Variants in CCDC90B observed in about 807,000 individuals in gnomAD.
CCDC90B encodes the protein coiled-coil domain-containing protein 90B, mitochondrial.
Under a neutral mutation model 37.0 loss-of-function variants are expected in CCDC90B, and 24 were observed. The ratio of observed to expected loss-of-function variants is 0.65; its 90% CI spans 0.47 to 0.91. CCDC90B has a LOEUF of 0.91. Among genes scored for constraint, CCDC90B ranks in the 40% least tolerant of loss-of-function variants. CCDC90B has a pLI of 0.00. For missense variants in CCDC90B, 319 were observed against 299.0 expected (o/e 1.07, Z -0.49); for synonymous variants, 113 against 101.1 (o/e 1.12, Z -0.71).
At chr11:83,271,689 T>G (rs1406136772) in intron 7 of CCDC90B, among the ~76,000 whole-genome samples, 2 of 152,206 alleles carry the variant, frequency 1.3e-5, no homozygotes, top group African/African-American at 4.8e-5. Context: ...CGTTCAACCA[T>G]TGTGGAAGAC....
At chr11:83,273,546 G>A in intron 7 of CCDC90B, 101 bp downstream of exon 7, 2 of 850,946 alleles carry the variant, frequency 2.4e-6, no homozygotes, top group Non-Finnish European at 3.5e-6. Context: ...ACTCTACAAG[G>A]GTAGTTTTTA....
At position 83,259,481 on chromosome 11, in the gene CCDC90B, T is replaced by A. The variant is rs1022711587; in HGVS notation, c.*2430A>T. 2.0e-5 allele frequency: 3 copies of A among 152,242 alleles called. No individual in the cohort carries two copies. The highest frequency in any genetic ancestry group is 7.2e-5 in the African/African-American group (3 of 41,456). The allele number at this position is 152,242 out of a possible 1,614,324, so 9.4% of individuals were successfully genotyped here. A position where few individuals can be genotyped will look rare whatever the true frequency, so the allele number is the denominator to read the frequency against. ...TGAGAAAGAACGCAGATCTATTTAA[T>A]ATTTAGTGGCTGTATAACCTGGGAA... On this transcript the variant is annotated 3_prime_UTR_variant, in exon 9 of 9. Coordinates refer to ENST00000529689, the MANE Select transcript of CCDC90B (RefSeq NM_021825.5).
intron 7 of CCDC90B, 172 bp downstream of exon 7, chr11:83,273,475 T>G (rs545723196): frequency 1.3e-5 from 6 of 453,560 alleles, no homozygotes; most frequent in African/African-American, 6.0e-5. Context: ...GGCGACCATC[T>G]ACCTGGTGCC....
At chr11:83,263,086 AT>A (rs143625866) in intron 8 of CCDC90B, among the ~76,000 whole-genome samples, 2,755 of 151,982 alleles carry the variant, frequency 0.018, 65 homozygotes, top group African/African-American at 0.058. Flanking sequence ...CTCCAAAGCC[AT>A]TTTTTTTCTC....
intron 8 of CCDC90B, among the ~76,000 whole-genome samples, 170 bp downstream of exon 8, chr11:83,265,695 A>G (rs907059701): frequency 6.6e-6 from 1 of 152,200 alleles, no homozygotes; most frequent in African/African-American, 2.4e-5. Flanking sequence ...CAAGACTCCA[A>G]AAAATATATC....
chr11:83,260,802 C>T lies in CCDC90B; in HGVS notation c.*1109G>A. On this transcript the variant is annotated 3_prime_UTR_variant, in exon 9 of 9. Transcript: ENST00000529689. ...ACATATGATTTACTAATAGATATTA[C>T]TTTGTAAGAAAAAATATATCTAATA... The T allele has an allele frequency of 6.6e-6, 1 of 152,126 alleles. No homozygotes were observed. The highest frequency in any genetic ancestry group is 1.9e-4 in the East Asian group (1 of 5,186). The allele number at this position is 152,126 out of a possible 1,614,324, so 9.4% of individuals were successfully genotyped here.
At chr11:83,266,659 C>T (rs1026692174) in intron 7 of CCDC90B, among the ~76,000 whole-genome samples, 1 of 152,248 alleles carries the variant, frequency 6.6e-6, no homozygotes, top group African/African-American at 2.4e-5. Flanking sequence ...CTCTAGACTC[C>T]ACCTCTGTGG....
Position 83,280,196 on chromosome 11 carries a change from T to TAAAC in CCDC90B, c.164_165insGTTT (p.Gln56PhefsTer8). ...GGGTATCAAAAGTTAATTTCCTTTGTTCTAAAGGAGTTATATCCACTGGCC... is the reference window on the plus strand; with the variant it reads ...GGGTATCAAAAGTTAATTTCCTTTGTAAACTCTAAAGGAGTTATATCCACTGGCC... On this transcript the variant is annotated frameshift_variant, in exon 2 of 9. Transcript: ENST00000529689. LOFTEE classifies it high-confidence loss of function. The TAAAC allele has an allele frequency of 6.2e-7, 1 of 1,612,666 alleles. No individual in the cohort carries two copies. Among genetic ancestry groups the TAAAC allele is most frequent in the Middle Eastern group, 1.7e-4 (1 of 5,760 alleles).
chr11:83,264,091 G>T (rs1258053514), intron 8 of CCDC90B, among the ~76,000 whole-genome samples: 1 of 152,154 alleles, frequency 6.6e-6, no homozygotes, highest in Non-Finnish European at 1.5e-5. Context: ...GGGCCACCAA[G>T]ATATGTGTGT....
At chr11:83,265,402 A>G (rs1864192098) in intron 8 of CCDC90B, among the ~76,000 whole-genome samples, 1 of 152,174 alleles carries the variant, frequency 6.6e-6, no homozygotes, top group Non-Finnish European at 1.5e-5. Context: ...TAAGCAATAA[A>G]AAGAAAATTT....
chr11:83,285,777 C>T (rs558379125), intron 1 of CCDC90B, 96 bp downstream of exon 1: 20 of 1,493,852 alleles, frequency 1.3e-5, no homozygotes, highest in Non-Finnish European at 1.8e-5. Flanking sequence ...GAGGGCGTGG[C>T]ACCTTCTCTT....
chr11:83,260,240 T>C lies in CCDC90B; in HGVS notation c.*1671A>G, dbSNP rs764794321. Reference sequence around the variant, plus strand: ...CTTGTTTATGTCTCTCTCCTTAAGATTGTCAATTCAATGAGAATGAAACCA... The same window carrying C: ...CTTGTTTATGTCTCTCTCCTTAAGACTGTCAATTCAATGAGAATGAAACCA... On this transcript the variant is annotated 3_prime_UTR_variant, in exon 9 of 9. Coordinates refer to ENST00000529689, the MANE Select transcript of CCDC90B (RefSeq NM_021825.5). The C allele has an allele frequency of 2.0e-5, 3 of 152,214 alleles. No homozygotes were observed. The highest frequency in any genetic ancestry group is 2.9e-5 in the Non-Finnish European group (2 of 68,042). The allele number at this position is 152,214 out of a possible 1,614,324, so 9.4% of individuals were successfully genotyped here.
chr11:83,267,699 A>T (rs936299688), intron 7 of CCDC90B, among the ~76,000 whole-genome samples: 18 of 152,264 alleles, frequency 1.2e-4, no homozygotes, highest in Non-Finnish European at 2.5e-4. Flanking sequence ...GATATTATCC[A>T]GGAGAACTTC....
Position 83,260,967 on chromosome 11 carries a change from TAAG to T in CCDC90B, c.*941_*943del, listed in dbSNP as rs1863901232. 6.6e-6 allele frequency: 1 copy of T among 152,194 alleles called. No homozygotes were observed. 9.4% of individuals were successfully genotyped at this position (152,194 alleles called of 1,614,324 possible). ...TAAGATGGGTTAACTTAAACTACAT[TAAG>T]AAGCAGGGATAAACTGGTTTTTGAG... On this transcript the variant is annotated 3_prime_UTR_variant, in exon 9 of 9. Transcript: ENST00000529689.
Position 83,274,012 on chromosome 11 carries a change from C to T in CCDC90B, c.427-20G>A. 6.6e-7 allele frequency: 1 copy of T among 1,516,620 alleles called. No homozygotes were observed. The highest frequency in any genetic ancestry group is 8.8e-7 in the Non-Finnish European group (1 of 1,134,526). The allele number at this position is 1,516,620 out of a possible 1,614,324, so 93.9% of individuals were successfully genotyped here. ...CATTTTCTAGGTACAGGAAAGATCA[C>T]ATGCAATTAGCATTAAACCAAGTCT... On this transcript the variant is annotated intron_variant, in intron 4 of 8. Coordinates refer to ENST00000529689, the MANE Select transcript of CCDC90B (RefSeq NM_021825.5).
chr11:83,270,085 G>T (rs1433834891), intron 7 of CCDC90B, among the ~76,000 whole-genome samples: 1 of 152,006 alleles, frequency 6.6e-6, no homozygotes, highest in Non-Finnish European at 1.5e-5. Context: ...GCAGAAAAGG[G>T]CTTCAACAAA....
Position 83,286,116 on chromosome 11 carries a change from C to T in CCDC90B, c.-144G>A. 1 of 1,536,474 alleles carries T rather than the reference C, an allele frequency of 6.5e-7. No individual in the cohort carries two copies. The highest frequency in any genetic ancestry group is 8.7e-7 in the Non-Finnish European group (1 of 1,146,918). On this transcript the variant is annotated 5_prime_UTR_variant, in exon 1 of 9. Coordinates refer to ENST00000529689, the MANE Select transcript of CCDC90B (RefSeq NM_021825.5). ...CAAGCTCACCTCCCAGCGCAGGCGC[C>T]ACCGTGGTCCCACGAAACTGGGTCT...
At chr11:83,266,550 G>A (rs140320787) in intron 7 of CCDC90B, among the ~76,000 whole-genome samples, 2,935 of 152,332 alleles carry the variant, frequency 0.019, 106 homozygotes, top group African/African-American at 0.067. Flanking sequence ...ACTGGCTGGG[G>A]AAGGGGCATC....
At chr11:83,264,258 A>C (rs1367693945) in intron 8 of CCDC90B, among the ~76,000 whole-genome samples, 1 of 152,198 alleles carries the variant, frequency 6.6e-6, no homozygotes, top group Non-Finnish European at 1.5e-5. Flanking sequence ...GCTTTCTAAT[A>C]AAAAGATGTC....
Sources: allele counts gnomAD v4.1 joint callset (sites outside exome capture counted in the v4.1 genomes callset), GRCh38; gene constraint gnomAD v4.1.1; transcripts MANE v1.5; gene names NCBI Gene and HGNC (gene_info 2026-07-23, HGNC 2026-07-21).